Variants in ARID2 observed in about 807,000 individuals in gnomAD.
ARID2 encodes the protein AT-rich interactive domain-containing protein 2.
In ARID2, 32 loss-of-function variants were observed where a neutral mutation model predicts 184.6. That is an observed-to-expected ratio of 0.17 (90% CI 0.13 to 0.23). The LOEUF (loss-of-function observed/expected upper bound fraction) is 0.23. Ranked by LOEUF, ARID2 falls within the 10% of genes least tolerant of loss-of-function variation. The pLI, the probability that ARID2 is intolerant of heterozygous loss-of-function variation, is 1.00. For missense variants in ARID2, 1,696 were observed against 2,197.6 expected (o/e 0.77, Z 4.56); for synonymous variants, 836 against 772.6 (o/e 1.08, Z -1.36).
intron 3 of ARID2, among the ~76,000 whole-genome samples, chr12:45,740,902 T>A (rs1941241264): frequency 6.6e-6 from 1 of 152,220 alleles, no homozygotes. Context: ...ACATGTCATG[T>A]CACTTTGTCT....
At chr12:45,860,753 A>G in intron 15 of ARID2, 48 bp from the exon 16 acceptor site, 1 of 1,397,692 alleles carries the variant, frequency 7.2e-7, no homozygotes, top group South Asian at 2.0e-5. Context: ...TAAAATATGA[A>G]TTTTTTCAGT....
In ARID2 at chr12:45,851,941, G is replaced by A. The variant is rs1565624116; in HGVS notation, c.3818G>A (p.Arg1273Gln). The change falls in exon 15 of 21, where the codon CGA becomes CAA. Residue 1273 changes from arginine to glutamine, a missense_variant. This residue lies in a region of ARID2 where 428 missense variants were observed against 409.1 expected (regional missense o/e 1.05). Coordinates refer to ENST00000334344, the MANE Select transcript of ARID2 (RefSeq NM_152641.4). ...IEVMENPSCR[R>Q]GATNTSNGDT... ...GTCATGGAGAACCCGTCCTGCCGACGAGGAGCCACAAACACCAGCAATGGG... is the reference window on the plus strand; with the variant it reads ...GTCATGGAGAACCCGTCCTGCCGACAAGGAGCCACAAACACCAGCAATGGG... 8 of 1,614,076 alleles carry A rather than the reference G, an allele frequency of 5.0e-6. No individual in the cohort carries two copies. Among genetic ancestry groups the A allele is most frequent in the Admixed American group, 1.7e-5 (1 of 60,014 alleles).
chr12:45,901,529 C>T (rs1023918486), intron 20 of ARID2, among the ~76,000 whole-genome samples: 1 of 151,982 alleles, frequency 6.6e-6, no homozygotes, highest in Non-Finnish European at 1.5e-5. Context: ...TATTTTATAA[C>T]ATCCTGTTCT....
chr12:45,817,493 T>C (rs959680925), intron 4 of ARID2, among the ~76,000 whole-genome samples, 177 bp from the exon 5 acceptor site: 4 of 149,512 alleles, frequency 2.7e-5, no homozygotes, highest in Non-Finnish European at 5.9e-5. Flanking sequence ...CTAAGAAGTT[T>C]TAAAAGTTGA....
chr12:45,846,887 T>A lies in ARID2; in HGVS notation c.1530T>A (p.Ala510=), dbSNP rs111336519. ...GAGCAGTTGTAGCGCAGCATGTTGC[T>A]CCACCTCCAGGAATAGTGGAAATAG... The part of the protein sequence containing the change: ...ASRAVVAQHV[A]PPPGIVEIDS... The change falls in exon 12 of 21, where the codon GCT becomes GCA. Residue 510 remains alanine, a synonymous_variant. Transcript: ENST00000334344. 1.2e-6 allele frequency: 2 copies of A among 1,613,076 alleles called. No individual in the cohort carries two copies. The highest frequency in any genetic ancestry group is 4.5e-5 in the East Asian group (2 of 44,818).
chr12:45,904,729 A>AAGGCAAAC (rs776786570), intron 20 of ARID2, among the ~76,000 whole-genome samples: 116 of 151,750 alleles, frequency 7.6e-4, no homozygotes, highest in Non-Finnish European at 1.5e-3. Context: ...CTATGCAGAA[A>AAGGCAAAC]AGGCAAACAG....
chr12:45,841,180 G>A (rs954483166), intron 11 of ARID2: 3 of 152,192 alleles, frequency 2.0e-5, no homozygotes, highest in Non-Finnish European at 4.4e-5. Flanking sequence ...TAAAATGTCA[G>A]TGAATACTCA....
intron 3 of ARID2, among the ~76,000 whole-genome samples, chr12:45,769,104 A>G (rs759412812): frequency 1.3e-4 from 20 of 152,238 alleles, no homozygotes; most frequent in Non-Finnish European, 2.2e-4. Context: ...CAGAGTGGCT[A>G]TAATATATAA....
At chr12:45,767,910 C>T (rs534081066) in intron 3 of ARID2, among the ~76,000 whole-genome samples, 2 of 152,278 alleles carry the variant, frequency 1.3e-5, no homozygotes, top group East Asian at 1.9e-4. Flanking sequence ...TTCAACAGGA[C>T]AGCATGAGTC....
intron 16 of ARID2, among the ~76,000 whole-genome samples, chr12:45,880,452 T>A (rs181304483): frequency 6.6e-6 from 1 of 152,172 alleles, no homozygotes; most frequent in South Asian, 2.1e-4. Context: ...CCTTATACAG[T>A]TACAATTCCT....
chr12:45,892,908 G>A (rs1242536876), intron 18 of ARID2, among the ~76,000 whole-genome samples: 1 of 152,076 alleles, frequency 6.6e-6, no homozygotes, highest in Non-Finnish European at 1.5e-5. Context: ...AGATATGTAA[G>A]TAATAGTTGG....
intron 3 of ARID2, among the ~76,000 whole-genome samples, chr12:45,788,769 CT>C (rs772844316): frequency 2.6e-5 from 4 of 152,182 alleles, no homozygotes; most frequent in Non-Finnish European, 5.9e-5. Context: ...ATTTCAAACT[CT>C]GTTCAAGAAC....
chr12:45,852,079 G>T lies in ARID2; in HGVS notation c.3956G>T (p.Cys1319Phe). ...AAAATTCAAAGTGAGACTAATCAGT[G>T]CTCACTAATCAGTAATGGGCCATCA... ...SGKIQSETNQ[C>F]SLISNGPSLE... is the part of the protein sequence containing the mutation. The change falls in exon 15 of 21, where the codon TGC (cysteine) becomes TTC (phenylalanine). Residue 1319 changes from cysteine to phenylalanine, a missense_variant. This residue lies in a region of ARID2 where 428 missense variants were observed against 409.1 expected (regional missense o/e 1.05). Coordinates refer to ENST00000334344, the MANE Select transcript of ARID2 (RefSeq NM_152641.4). 6.2e-7 allele frequency: 1 copy of T among 1,614,112 alleles called. No individual in the cohort carries two copies. The highest frequency in any genetic ancestry group is 8.5e-7 in the Non-Finnish European group (1 of 1,180,010).
intron 3 of ARID2, among the ~76,000 whole-genome samples, chr12:45,785,908 C>T (rs1001722437): frequency 1.3e-5 from 2 of 152,154 alleles, no homozygotes; most frequent in African/African-American, 4.8e-5. Flanking sequence ...TGGTCCCCAA[C>T]CTCTGGGCCA....
At chr12:45,858,011 T>C (rs1943680312) in intron 15 of ARID2, among the ~76,000 whole-genome samples, 1 of 152,208 alleles carries the variant, frequency 6.6e-6, no homozygotes, top group African/African-American at 2.4e-5. Context: ...CCTTCTGCCT[T>C]GGCCTCCCAA....
rs2138181752 is a variant in ARID2, at chr12:45,852,829, C to T, written c.4706C>T (p.Ala1569Val). 6.2e-7 allele frequency: 1 copy of T among 1,613,638 alleles called. No individual in the cohort carries two copies. Among genetic ancestry groups the T allele is most frequent in the Non-Finnish European group, 8.5e-7 (1 of 1,179,776 alleles). ...GADPSTVAKV[A>V]IESAVQQKQQ... is the part of the protein sequence containing the mutation. ...GATCCAAGCACTGTAGCTAAAGTAGCAATAGAAAGTGCTGTTCAGCAAAAG... is the reference window on the plus strand; with the variant it reads ...GATCCAAGCACTGTAGCTAAAGTAGTAATAGAAAGTGCTGTTCAGCAAAAG... The change falls in exon 15 of 21, where the codon GCA (alanine) becomes GTA (valine). Residue 1569 changes from alanine (A) to valine (V), a missense_variant. By Grantham distance (64) the Ala-to-Val change is moderately conservative. Around this residue, in one of 11 missense-constraint regions of ARID2, gnomAD observed 111 missense variants for 154.0 expected, o/e 0.72. Transcript: ENST00000334344.
chr12:45,758,588 T>G (rs572793872), intron 3 of ARID2, among the ~76,000 whole-genome samples: 1 of 152,328 alleles, frequency 6.6e-6, no homozygotes, highest in South Asian at 2.1e-4. Context: ...TTAACAAATC[T>G]TAAATTTGTT....
At chr12:45,895,575 C>T (rs1944358751) in intron 20 of ARID2, among the ~76,000 whole-genome samples, 1 of 152,248 alleles carries the variant, frequency 6.6e-6, no homozygotes, top group African/African-American at 2.4e-5. Flanking sequence ...CGCTCTATCG[C>T]CCAGGCTGGA....
Position 45,817,652 on chromosome 12 carries a change from AT to A in ARID2, c.419-10del, listed in dbSNP as rs752578353. ...ATCTGATCTTTGATATACTTAAGGTATTTTTTTTCTTTGTTAGATTATCTGC... is the reference window on the plus strand; with the variant it reads ...ATCTGATCTTTGATATACTTAAGGTATTTTTTTCTTTGTTAGATTATCTGC... On this transcript the variant is annotated splice_polypyrimidine_tract_variant and intron_variant, in intron 4 of 20. Coordinates refer to ENST00000334344, the MANE Select transcript of ARID2 (RefSeq NM_152641.4). The A allele has an allele frequency of 4.5e-5, 71 of 1,583,460 alleles. No homozygotes were observed. The highest frequency in any genetic ancestry group is 4.4e-4 in the South Asian group (39 of 88,228).
Sources: allele counts gnomAD v4.1 joint callset (sites outside exome capture counted in the v4.1 genomes callset), GRCh38; gene constraint gnomAD v4.1.1; regional missense constraint gnomAD v4.1.1; transcripts MANE v1.5; gene names NCBI Gene and HGNC (gene_info 2026-07-23, HGNC 2026-07-21).